Variants in ZNF208 observed in about 807,000 individuals in gnomAD.
The protein encoded by ZNF208 is zinc finger protein 208.
A neutral mutation model predicts 12.1 loss-of-function variants in ZNF208; 10 were observed. That is an observed-to-expected ratio of 0.83 (90% CI 0.51 to 1.40). The LOEUF (loss-of-function observed/expected upper bound fraction) is 1.40. Among genes scored for constraint, ZNF208 ranks in the 40% most tolerant of loss-of-function variants. ZNF208 has a pLI of 0.00. For missense variants in ZNF208, 1,652 were observed against 1,485.0 expected, an observed-to-expected ratio of 1.11 and a Z score of -1.85; for synonymous variants, 497 against 488.4, an observed-to-expected ratio of 1.02 and a Z score of -0.23.
chr19:22,001,294 C>T (rs1970942274), intron 1 of ZNF208, among the ~76,000 whole-genome samples: 1 of 151,700 alleles, frequency 6.6e-6, no homozygotes. Flanking sequence ...TCAAAACAAA[C>T]AAACAAACAA....
At position 21,987,660 on chromosome 19, in the gene ZNF208, C is replaced by G. The variant is rs772898342; in HGVS notation, c.131-349G>C. ...TGGAATGTGGCCAGATATGCAGGCT[C>G]CTAGTTAGGCCCACCCCCCAACAGC... On this transcript the variant is annotated intron_variant, in intron 2 of 3. Transcript: ENST00000397126. Among the ~76,000 whole-genome samples, 7 of 152,146 alleles carry G rather than the reference C, an allele frequency of 4.6e-5. No homozygotes were observed. The East Asian group carries it at 1.2e-3, about 25-fold the overall frequency.
intron 1 of ZNF208, among the ~76,000 whole-genome samples, chr19:22,002,825 A>C (rs2042034745): frequency 6.6e-6 from 1 of 152,236 alleles, no homozygotes; most frequent in African/African-American, 2.4e-5. Context: ...AAATATTTTT[A>C]ACAGAACTAA....
In ZNF208 at chr19:21,971,280, G is replaced by A; in HGVS notation, c.3754C>T (p.Pro1252Ser). 6.2e-7 allele frequency: 1 copy of A among 1,612,132 alleles called. No homozygotes were observed. The highest frequency in any genetic ancestry group is 8.5e-7 in the Non-Finnish European group (1 of 1,179,916). ...KHKVIHTGEK[P>S]YKCEECGKAF... The stretch of plus-strand genomic sequence containing the variant: ...TTGCCACATTCTTCACATTTGTAGG[G>A]TTTCTCTCCAGTATGAATTACCTTA... The change falls in exon 4 of 4, where the codon CCC becomes TCC. Residue 1252 changes from proline to serine, a missense_variant. Around this residue, in one of 3 missense-constraint regions of ZNF208, gnomAD observed 1,239 missense variants for 1,086.2 expected, o/e 1.14. Transcript: ENST00000397126.
chr19:21,997,351 A>G (rs1266881968), intron 1 of ZNF208, among the ~76,000 whole-genome samples: 1 of 152,206 alleles, frequency 6.6e-6, no homozygotes, highest in African/African-American at 2.4e-5. Context: ...TCACATCTTC[A>G]TGACTGGAGG....
chr19:21,950,262 C>A (rs1969869892), intron 4 of ZNF208, among the ~76,000 whole-genome samples: 1 of 152,102 alleles, frequency 6.6e-6, no homozygotes, highest in Non-Finnish European at 1.5e-5. Context: ...CTTTTATCCA[C>A]TCTTTCTTGT....
intron 4 of ZNF208, among the ~76,000 whole-genome samples, chr19:21,952,919 G>GA (rs571982614): frequency 1.3e-5 from 2 of 152,060 alleles, no homozygotes; most frequent in Non-Finnish European, 2.9e-5. Flanking sequence ...TAAAGACCTT[G>GA]AAAAAAGGTT....
At chr19:22,007,045 C>A (rs1218099264) in intron 1 of ZNF208, among the ~76,000 whole-genome samples, 1 of 152,090 alleles carries the variant, frequency 6.6e-6, no homozygotes, top group Non-Finnish European at 1.5e-5. Context: ...ATTCACCCTG[C>A]AAGAAAAGAA....
At position 21,970,492 on chromosome 19, in the gene ZNF208, TAATA is replaced by T. The variant is rs1441613503; in HGVS notation, c.*695_*698del. ...TGTTCAGTAAGCGTTGAGAATTAAT[TAATA>T]GTTTTGCCACATTTTTCATATTTGT... On this transcript the variant is annotated 3_prime_UTR_variant, in exon 4 of 4. Coordinates refer to ENST00000397126, the MANE Select transcript of ZNF208 (RefSeq NM_007153.3). Among the ~76,000 whole-genome samples, 8 of 152,162 alleles carry T rather than the reference TAATA, an allele frequency of 5.3e-5. No individual in the cohort carries two copies. Among genetic ancestry groups the T allele is most frequent in the South Asian group, 4.1e-4 (2 of 4,836 alleles).
chr19:22,004,187 C>CA (rs200518455), intron 1 of ZNF208, among the ~76,000 whole-genome samples: 2,725 of 151,550 alleles, frequency 0.018, 68 homozygotes, highest in African/African-American at 0.061. Flanking sequence ...CCAAAAATAA[C>CA]AAAAAAATTA....
intron 3 of ZNF208, among the ~76,000 whole-genome samples, chr19:21,986,294 T>C (rs891067601): frequency 3.3e-5 from 5 of 152,186 alleles, no homozygotes; most frequent in Non-Finnish European, 7.3e-5. Context: ...ATTAAAACCT[T>C]TTCAAACCAA....
chr19:21,945,227 G>C (rs1216407782), intron 4 of ZNF208, among the ~76,000 whole-genome samples: 3 of 152,140 alleles, frequency 2.0e-5, no homozygotes, highest in Non-Finnish European at 4.4e-5. Flanking sequence ...CCTAGTTCCA[G>C]TCTTTGCTTT....
rs1440707910 is a variant in ZNF208, at chr19:21,956,250, G to C, written c.305+18479C>G. ...TATGAGGTGTCAGTCGGCCCCTACT[G>C]GGAGGTGTCTCCCAGTTAGACTACT... On this transcript the variant is annotated intron_variant, in intron 4 of 4. Transcript: ENST00000599916. 5.3e-5 allele frequency among the ~76,000 whole-genome samples: 8 copies of C among 152,296 alleles called. No individual in the cohort carries two copies. The East Asian group carries it at 1.5e-3, about 29-fold the overall frequency.
rs941979142 is a variant in ZNF208, at chr19:21,970,525, G to A, written c.*666C>T. On this transcript the variant is annotated 3_prime_UTR_variant, in exon 4 of 4. Transcript: ENST00000397126. ...TTGCCACATTTTTCATATTTGTAGG[G>A]TTTTTCCTCCAGTATGAATTCTTTT... Among the ~76,000 whole-genome samples, 4 of 152,098 alleles carry A rather than the reference G, an allele frequency of 2.6e-5. No individual in the cohort carries two copies. The highest frequency in any genetic ancestry group is 4.4e-5 in the Non-Finnish European group (3 of 68,006).
chr19:21,949,122 T>A (rs2666449), intron 4 of ZNF208, among the ~76,000 whole-genome samples: 1 of 151,978 alleles, frequency 6.6e-6, no homozygotes, highest in Non-Finnish European at 1.5e-5. Context: ...TGTTCTGATA[T>A]GACAAAAAAG....
chr19:21,974,912 C>T (rs1254852721), intron 3 of ZNF208, 105 bp from the exon 4 acceptor site: 2 of 1,324,506 alleles, frequency 1.5e-6, no homozygotes, highest in Non-Finnish European at 9.9e-7. Flanking sequence ...AGCAAGATGA[C>T]ACTGCAATAT....
At chr19:21,989,151 T>A (rs540558634) in intron 1 of ZNF208, among the ~76,000 whole-genome samples, 242 of 151,986 alleles carry the variant, frequency 1.6e-3, no homozygotes, top group African/African-American at 5.6e-3. Context: ...GTTAATTACA[T>A]ATGTATACAT....
downstream of ZNF208, among the ~76,000 whole-genome samples, chr19:21,962,264 A>T (rs1346613403): frequency 6.6e-6 from 1 of 152,078 alleles, no homozygotes; most frequent in East Asian, 1.9e-4. Context: ...AAAGTGATTC[A>T]TTTTTGTGAC....
intron 1 of ZNF208, among the ~76,000 whole-genome samples, chr19:21,996,193 T>C (rs1288581234): frequency 1.3e-5 from 2 of 152,228 alleles, no homozygotes; most frequent in Non-Finnish European, 2.9e-5. Context: ...TTAAGTATTT[T>C]AACTTGAGAC....
chr19:22,007,467 C>T (rs1002710419), intron 1 of ZNF208, among the ~76,000 whole-genome samples: 6 of 136,588 alleles, frequency 4.4e-5, no homozygotes, highest in African/African-American at 8.6e-5. Flanking sequence ...GATCCCGCCA[C>T]TGCACTCCAA....
Sources: gnomAD v4.1 joint callset for allele counts (sites outside exome capture counted in the v4.1 genomes callset) on GRCh38, gnomAD v4.1.1 for gene constraint, gnomAD v4.1.1 regional missense constraint, MANE v1.5 for transcripts, NCBI Gene and HGNC (gene_info 2026-07-23, HGNC 2026-07-21) for gene names.